The following NCAM2 variants were observed in gnomAD, a reference collection of about 807,000 sequenced individuals.
NCAM2 encodes neural cell adhesion molecule 2, also known as N-CAM-2.
NCAM2 carries 30 observed loss-of-function variants against 98.1 expected under a neutral mutation model. The ratio of observed to expected loss-of-function variants is 0.31; its 90% CI spans 0.23 to 0.41. The LOEUF (loss-of-function observed/expected upper bound fraction) is 0.41, where lower values mean the gene tolerates loss of function less well. NCAM2 is among the 10% of genes least tolerant of loss of function. The probability of loss-of-function intolerance (pLI) is 1.00; values close to 1 mark genes in which losing one functional copy is unlikely to be tolerated. For synonymous variants in NCAM2, 368 were observed against 342.4 expected, an observed-to-expected ratio of 1.07 and a Z score of -0.83; for missense variants, 867 against 1,005.8, an observed-to-expected ratio of 0.86 and a Z score of 1.87.
intron 1 of NCAM2, among the ~76,000 whole-genome samples, chr21:21,173,603 G>A (rs1388217962): frequency 6.6e-6 from 1 of 152,134 alleles, no homozygotes; most frequent in Non-Finnish European, 1.5e-5. Flanking sequence ...TTAGGGTAAG[G>A]CAAGAACTTA....
chr21:21,196,131 T>C (rs1364831121), intron 1 of NCAM2, among the ~76,000 whole-genome samples: 3 of 152,198 alleles, frequency 2.0e-5, no homozygotes, highest in Non-Finnish European at 4.4e-5. Flanking sequence ...TGGTGGACAC[T>C]GAGAAAGCCC....
intron 5 of NCAM2, among the ~76,000 whole-genome samples, chr21:21,313,860 A>C (rs1415186605): frequency 6.6e-6 from 1 of 151,796 alleles, no homozygotes; most frequent in Non-Finnish European, 1.5e-5. Flanking sequence ...ATTTGTGGGG[A>C]GGGGGTGTTG....
At chr21:21,497,881 C>CT (rs1189804459) in intron 15 of NCAM2, among the ~76,000 whole-genome samples, 2 of 151,972 alleles carry the variant, frequency 1.3e-5, no homozygotes, top group Admixed American at 6.6e-5. Flanking sequence ...AAGCATTAGC[C>CT]TTTTTTTATT....
chr21:21,290,174 T>C (rs549682862), intron 4 of NCAM2: 1 of 152,062 alleles, frequency 6.6e-6, no homozygotes, highest in South Asian at 2.1e-4. Flanking sequence ...AGCTAAATTT[T>C]AAATATATTT....
intron 1 of NCAM2, chr21:21,223,712 G>A (rs1325141944): frequency 6.6e-6 from 1 of 152,080 alleles, no homozygotes; most frequent in East Asian, 1.9e-4. Flanking sequence ...TGCTCTGAAA[G>A]TTCTTTTCCG....
intron 1 of NCAM2, among the ~76,000 whole-genome samples, chr21:21,110,956 G>A (rs141366764): frequency 3.9e-5 from 6 of 152,062 alleles, no homozygotes; most frequent in Admixed American, 3.9e-4. Flanking sequence ...ATTGAATAAG[G>A]GGATACATTA....
At chr21:21,272,504 GCGCGCACACA>G (rs1568867359) in intron 1 of NCAM2, among the ~76,000 whole-genome samples, 3 of 56,448 alleles carry the variant, frequency 5.3e-5, no homozygotes, top group Admixed American at 3.8e-4. Context: ...ACATGCGCGC[GCGCGCACACA>G]CACACACACA....
At chr21:21,488,258 T>C (rs567814400) in intron 15 of NCAM2, among the ~76,000 whole-genome samples, 1 of 133,106 alleles carries the variant, frequency 7.5e-6, no homozygotes, top group Non-Finnish European at 1.6e-5. Context: ...ATATGCAATT[T>C]GTGTCAATTG....
intron 1 of NCAM2, among the ~76,000 whole-genome samples, chr21:21,208,357 A>G (rs144195567): frequency 6.6e-6 from 1 of 152,296 alleles, no homozygotes; most frequent in African/African-American, 2.4e-5. Context: ...GACTAATAAA[A>G]TCCAATCTGT....
At chr21:21,327,388 G>A (rs961700724) in intron 6 of NCAM2, among the ~76,000 whole-genome samples, 1 of 151,716 alleles carries the variant, frequency 6.6e-6, no homozygotes, top group Non-Finnish European at 1.5e-5. Context: ...CAGCAGGGTG[G>A]CCTTCCCTCT....
At chr21:21,306,760 C>T (rs886362168) in intron 5 of NCAM2, among the ~76,000 whole-genome samples, 3 of 152,024 alleles carry the variant, frequency 2.0e-5, no homozygotes, top group African/African-American at 7.2e-5. Flanking sequence ...CTATAGTCAC[C>T]CTGTTATGGT....
chr21:21,196,433 T>C (rs1302000446), intron 1 of NCAM2, among the ~76,000 whole-genome samples: 1 of 152,248 alleles, frequency 6.6e-6, no homozygotes, highest in Non-Finnish European at 1.5e-5. Flanking sequence ...AATTTTTCTT[T>C]CTTCTCAATC....
intron 12 of NCAM2, among the ~76,000 whole-genome samples, chr21:21,439,540 T>A: frequency 6.6e-6 from 1 of 152,188 alleles, no homozygotes; most frequent in East Asian, 1.9e-4. Context: ...TTTCTTGTTT[T>A]TTATATACCT....
chr21:21,199,647 AAAG>A (rs1174466402), intron 1 of NCAM2, among the ~76,000 whole-genome samples: 2 of 152,214 alleles, frequency 1.3e-5, no homozygotes, highest in Non-Finnish European at 2.9e-5. Context: ...TGACCTCAGT[AAAG>A]AACACAAAAA....
At chr21:21,057,506 G>A (rs529160624) in intron 1 of NCAM2, among the ~76,000 whole-genome samples, 23 of 152,046 alleles carry the variant, frequency 1.5e-4, no homozygotes, top group Non-Finnish European at 2.8e-4. Context: ...GTACAGTGTC[G>A]GAGCACTTAT....
In NCAM2 at chr21:21,437,425, A is replaced by G. The variant is rs80213268; in HGVS notation, c.1654+5144A>G. Among the ~76,000 whole-genome samples, 523 of 151,672 alleles carry G rather than the reference A, an allele frequency of 3.4e-3. 5 individuals carry two copies. Among genetic ancestry groups the G allele is most frequent in the African/African-American group, 0.012 (498 of 41,224 alleles). ...CAATTTATACTATGTGAGCAATTCA[A>G]TGGTTATGAATTTTCAAAGAAGTAT... is the stretch of plus-strand genomic sequence containing the variant. On this transcript the variant is annotated intron_variant, in intron 12 of 17. Coordinates refer to ENST00000400546, the MANE Select transcript of NCAM2 (RefSeq NM_004540.5).
chr21:21,409,929 C>T (rs1302431231), intron 9 of NCAM2, among the ~76,000 whole-genome samples: 1 of 151,888 alleles, frequency 6.6e-6, no homozygotes, highest in Non-Finnish European at 1.5e-5. Context: ...GTCAGGAGAT[C>T]GAGACCATCC....
chr21:21,418,424 C>A, intron 10 of NCAM2, 49 bp from the exon 11 acceptor site: 1 of 1,400,884 alleles, frequency 7.1e-7, no homozygotes, highest in Non-Finnish European at 1.0e-6. Flanking sequence ...TATTATAAAA[C>A]TTCTGTGATG....
rs555824185 is a variant in NCAM2, at chr21:21,118,507, G to A, written c.55+119889G>A. On this transcript the variant is annotated intron_variant, in intron 1 of 17. Transcript: ENST00000400546. ...AGGGGTGAGGGACCTTGTAGGTTGA[G>A]AGAAAGCAGTAAGGAAGAATGCTCT... Among the ~76,000 whole-genome samples the A allele has an allele frequency of 3.3e-5, 5 of 152,242 alleles. No homozygotes were observed. In the South Asian group the frequency reaches 8.3e-4, roughly 25 times the overall value.
Sources: gnomAD v4.1 joint callset for allele counts (sites outside exome capture counted in the v4.1 genomes callset) on GRCh38, gnomAD v4.1.1 for gene constraint, MANE v1.5 for transcripts, NCBI Gene and HGNC (gene_info 2026-07-23, HGNC 2026-07-21) for gene names.